Variants in USP34 observed in about 807,000 individuals in gnomAD.
USP34 encodes the protein ubiquitin carboxyl-terminal hydrolase 34.
Under a neutral mutation model 460.3 loss-of-function variants are expected in USP34, and 70 were observed. That is an observed-to-expected ratio of 0.15 (90% CI 0.13 to 0.19). The LOEUF (loss-of-function observed/expected upper bound fraction) is 0.19, where lower values mean the gene tolerates loss of function less well. USP34 is among the 10% of genes least tolerant of loss of function. The probability of loss-of-function intolerance (pLI) is 1.00; values close to 1 mark genes in which losing one functional copy is unlikely to be tolerated. For missense variants in USP34, 3,985 were observed against 4,236.2 expected, an observed-to-expected ratio of 0.94 and a Z score of 1.65; for synonymous variants, 1,647 against 1,405.3, an observed-to-expected ratio of 1.17 and a Z score of -3.85.
intron 10 of USP34, among the ~76,000 whole-genome samples, chr2:61,368,122 T>C (rs1259791592): frequency 1.3e-5 from 2 of 152,166 alleles, no homozygotes; most frequent in Admixed American, 6.5e-5. Flanking sequence ...GAAGCCACCA[T>C]GGACAATATG....
At chr2:61,247,302 T>A (rs756051827) in intron 49 of USP34, among the ~76,000 whole-genome samples, 1 of 152,104 alleles carries the variant, frequency 6.6e-6, no homozygotes, top group Non-Finnish European at 1.5e-5. Context: ...AACTGGAACA[T>A]GAAGAGATAA....
At chr2:61,354,892 T>C (rs916584491) in intron 10 of USP34, among the ~76,000 whole-genome samples, 4 of 152,054 alleles carry the variant, frequency 2.6e-5, no homozygotes, top group African/African-American at 9.7e-5. Flanking sequence ...CCTGATTGAG[T>C]ACTTGGTGCT....
intron 15 of USP34, among the ~76,000 whole-genome samples, chr2:61,347,052 A>G (rs986976282): frequency 2.0e-5 from 3 of 151,726 alleles, no homozygotes; most frequent in African/African-American, 7.3e-5. Flanking sequence ...AGGCACAAGA[A>G]TTGTTTGAGC....
chr2:61,450,338 TAA>T (rs1302249027), intron 1 of USP34, among the ~76,000 whole-genome samples: 2 of 152,298 alleles, frequency 1.3e-5, no homozygotes, highest in African/African-American at 4.8e-5. Flanking sequence ...ATTGAGGTGA[TAA>T]AGTGTTCTAG....
intron 1 of USP34, among the ~76,000 whole-genome samples, chr2:61,425,102 G>A (rs779461566): frequency 1.4e-4 from 22 of 152,082 alleles, no homozygotes; most frequent in African/African-American, 1.7e-4. Flanking sequence ...GGCCCACTGC[G>A]CCCAGCTGCC....
At chr2:61,432,809 CT>C in intron 1 of USP34, among the ~76,000 whole-genome samples, 1 of 151,788 alleles carries the variant, frequency 6.6e-6, no homozygotes, top group African/African-American at 2.4e-5. Context: ...TGCCCATAAA[CT>C]TTCCCATTTC....
At chr2:61,368,302 C>T (rs923880434) in intron 10 of USP34, among the ~76,000 whole-genome samples, 4 of 152,072 alleles carry the variant, frequency 2.6e-5, no homozygotes, top group South Asian at 2.1e-4. Flanking sequence ...CGTGGTGGCG[C>T]GTGCCTGTAA....
At position 61,339,477 on chromosome 2, in the gene USP34, A is replaced by G. The variant is rs781657335; in HGVS notation, c.2618T>C (p.Val873Ala). Reference protein sequence around the residue: ...LWDIVQDEDAVNLSEGLINEA... With the variant: ...LWDIVQDEDAANLSEGLINEA... The stretch of plus-strand genomic sequence containing the variant: ...ATTTATTAATCCTTCAGAAAGATTA[A>G]CCTATAAAAAATGTATATAAAATTA... Residue 873 changes from valine to alanine, a missense_variant and splice_region_variant, in exon 18 of 80, where the codon GTT (valine) becomes GCT (alanine). By Grantham distance (64) the Val-to-Ala change is moderately conservative. Around this residue, in one of 14 missense-constraint regions of USP34, gnomAD observed 46 missense variants for 83.1 expected, o/e 0.55. Coordinates refer to ENST00000398571, the MANE Select transcript of USP34 (RefSeq NM_014709.4). 1 of 1,572,360 alleles carries G rather than the reference A, an allele frequency of 6.4e-7. No homozygotes were observed. Among genetic ancestry groups the G allele is most frequent in the Admixed American group, 1.9e-5 (1 of 52,812 alleles).
At chr2:61,277,288 G>A (rs1689399949) in intron 41 of USP34, among the ~76,000 whole-genome samples, 1 of 147,526 alleles carries the variant, frequency 6.8e-6, no homozygotes, top group African/African-American at 2.5e-5. Flanking sequence ...CTAGGCTACA[G>A]TGCAGTGGTG....
At chr2:61,229,937 T>C (rs1306351658) in intron 58 of USP34, among the ~76,000 whole-genome samples, 2 of 151,668 alleles carry the variant, frequency 1.3e-5, no homozygotes, top group Non-Finnish European at 2.9e-5. Flanking sequence ...GAAAAGAAAA[T>C]CTAGTATCCA....
chr2:61,288,029 C>T (rs11125872), intron 34 of USP34, among the ~76,000 whole-genome samples: 82,915 of 152,084 alleles, frequency 0.55, 23,640 homozygotes, highest in African/African-American at 0.72. Context: ...TCCTTTCTTT[C>T]TTCTGTCAGC....
intron 27 of USP34, among the ~76,000 whole-genome samples, chr2:61,306,200 T>C (rs900711149): frequency 6.6e-6 from 1 of 152,214 alleles, no homozygotes; most frequent in East Asian, 1.9e-4. Flanking sequence ...AGGGTTTTTA[T>C]GGTTTTAGGT....
At chr2:61,333,228 C>A (rs937669375) in intron 19 of USP34, among the ~76,000 whole-genome samples, 1 of 152,060 alleles carries the variant, frequency 6.6e-6, no homozygotes, top group Admixed American at 6.5e-5. Context: ...ATTCATTAAT[C>A]ATAAGTTCTC....
At chr2:61,229,478 AAAAAAAAAAAC>A (rs1558478213) in intron 59 of USP34, 59 bp downstream of exon 59, 8,091 of 789,630 alleles carry the variant, frequency 0.01, 242 homozygotes, top group South Asian at 0.04. Context: ...AAAAAAAACA[AAAAAAAAAAAC>A]AAAAACACCA....
chr2:61,187,829 C>G lies in USP34; in HGVS notation c.*273G>C, dbSNP rs530209873. On this transcript the variant is annotated 3_prime_UTR_variant, in exon 80 of 80. Transcript: ENST00000398571. ...CAGGGCTAGGCAACCCTGTTCTTCC[C>G]AGACAGCCATATTAAATGAAAGCCA... is the stretch of plus-strand genomic sequence containing the variant. 8.8e-7 allele frequency: 1 copy of G among 1,140,680 alleles called. No homozygotes were observed. Among genetic ancestry groups the G allele is most frequent in the Non-Finnish European group, 1.1e-6 (1 of 886,188 alleles). 70.7% of individuals were successfully genotyped at this position (1,140,680 alleles called of 1,614,324 possible).
At chr2:61,261,781 G>C (rs866530864) in intron 43 of USP34, among the ~76,000 whole-genome samples, 1 of 152,088 alleles carries the variant, frequency 6.6e-6, no homozygotes, top group Non-Finnish European at 1.5e-5. Flanking sequence ...CACTTGACTA[G>C]AGTACTTGCC....
chr2:61,340,280 A>G (rs1691551209), intron 16 of USP34, among the ~76,000 whole-genome samples: 1 of 152,210 alleles, frequency 6.6e-6, no homozygotes, highest in Non-Finnish European at 1.5e-5. Flanking sequence ...CTTTTATAGA[A>G]ATACTACATT....
intron 23 of USP34, among the ~76,000 whole-genome samples, chr2:61,315,867 G>T (rs1481071922): frequency 6.6e-6 from 1 of 152,074 alleles, no homozygotes; most frequent in Admixed American, 6.5e-5. Flanking sequence ...TCATAACAGA[G>T]CACGACTACT....
At chr2:61,346,590 C>T (rs913495079) in intron 15 of USP34, among the ~76,000 whole-genome samples, 5 of 136,336 alleles carry the variant, frequency 3.7e-5, no homozygotes, top group Non-Finnish European at 7.6e-5. Context: ...AATCCTAGCA[C>T]TTTGGCAGGC....
Sources: gnomAD v4.1 joint callset for allele counts (sites outside exome capture counted in the v4.1 genomes callset) on GRCh38, gnomAD v4.1.1 for gene constraint, gnomAD v4.1.1 regional missense constraint, MANE v1.5 for transcripts, NCBI Gene and HGNC (gene_info 2026-07-23, HGNC 2026-07-21) for gene names.